Variants in TECPR1 observed in about 807,000 individuals in gnomAD.
TECPR1 encodes tectonin beta-propeller repeat containing 1.
Under a neutral mutation model 162.4 loss-of-function variants are expected in TECPR1, and 122 were observed. That is an observed-to-expected ratio of 0.75 (90% CI 0.65 to 0.87). The LOEUF (loss-of-function observed/expected upper bound fraction) is 0.87, where lower values mean the gene tolerates loss of function less well. Ranked by LOEUF, TECPR1 falls within the 40% of genes least tolerant of loss-of-function variation. The pLI, the probability that TECPR1 is intolerant of heterozygous loss-of-function variation, is 0.00. For missense variants in TECPR1, 1,432 were observed against 1,618.2 expected, an observed-to-expected ratio of 0.88 and a Z score of 1.97; for synonymous variants, 642 against 670.6, an observed-to-expected ratio of 0.96 and a Z score of 0.66.
At chr7:98,242,310 G>A (rs1798771786) in intron 6 of TECPR1, among the ~76,000 whole-genome samples, 1 of 152,118 alleles carries the variant, frequency 6.6e-6, no homozygotes, top group African/African-American at 2.4e-5. Flanking sequence ...GGACCCTCGG[G>A]GCCTCTGCTG....
At chr7:98,238,073 G>A (rs926972914) in intron 9 of TECPR1, among the ~76,000 whole-genome samples, 1 of 152,034 alleles carries the variant, frequency 6.6e-6, no homozygotes, top group Admixed American at 6.6e-5. Context: ...ACACCTGGCC[G>A]TGGTGTTTTT....
chr7:98,244,837 G>A, intron 4 of TECPR1, 48 bp downstream of exon 4: 2 of 1,604,348 alleles, frequency 1.2e-6, no homozygotes, highest in Non-Finnish European at 1.7e-6. Flanking sequence ...CAGGCGGGAG[G>A]CACCCCCTCC....
At chr7:98,247,171 C>A (rs1394109417) in intron 2 of TECPR1, among the ~76,000 whole-genome samples, 2 of 151,902 alleles carry the variant, frequency 1.3e-5, no homozygotes, top group East Asian at 4.0e-4. Flanking sequence ...GAGACAGGGT[C>A]TTGCTCGGTC....
chr7:98,245,880 C>A (rs760964245), intron 3 of TECPR1, 42 bp downstream of exon 3: 5 of 1,532,666 alleles, frequency 3.3e-6, no homozygotes, highest in South Asian at 2.4e-5. Flanking sequence ...AATAACCCAG[C>A]GAACTGACCC....
At chr7:98,226,346 G>T in intron 17 of TECPR1, 1 of 654,494 alleles carries the variant, frequency 1.5e-6, no homozygotes. Flanking sequence ...TACACACAGG[G>T]ACATCCTTTA....
intron 21 of TECPR1, 90 bp downstream of exon 21, chr7:98,222,900 A>T: frequency 6.6e-7 from 1 of 1,521,746 alleles, no homozygotes; most frequent in Non-Finnish European, 9.0e-7. Flanking sequence ...CACTGGTCCT[A>T]GGGGCTTGTC....
Position 98,225,059 on chromosome 7 carries a change from G to T in TECPR1, c.2557C>A (p.Leu853Met). The change falls in exon 18 of 26, where the codon CTG becomes ATG. Residue 853 changes from leucine (L) to methionine (M), a missense_variant. Leu to Met is a conservative substitution (Grantham distance 15, BLOSUM62 2). Transcript: ENST00000447648. ...GTGCCAGCCTTCGTGCACTCCTGCA[G>T]CCCCGAGGCATCGCTCCACATGTAC... is the stretch of plus-strand genomic sequence containing the variant. The part of the protein sequence containing the change: ...DRYMWSDASG[L>M]QECTKAGTKP... 1 of 1,567,300 alleles carries T rather than the reference G, an allele frequency of 6.4e-7. No individual in the cohort carries two copies. The highest frequency in any genetic ancestry group is 8.6e-7 in the Non-Finnish European group (1 of 1,158,262).
Position 98,233,820 on chromosome 7 carries a change from G to T in TECPR1, c.1273C>A (p.Pro425Thr), listed in dbSNP as rs371049413. ...DASSEVERPG[P>T]GQILPAEPLD... The stretch of plus-strand genomic sequence containing the variant: ...GGTTCTGCAGGGAGAATCTGGCCAG[G>T]CCCTGGTCTCTCGACTTCCGAGGAG... The change falls in exon 11 of 26, where the codon CCT (proline) becomes ACT (threonine). Residue 425 changes from proline (P) to threonine (T), a missense_variant. Pro to Thr is a conservative substitution (Grantham distance 38). Transcript: ENST00000447648. 7.5e-6 allele frequency: 12 copies of T among 1,602,474 alleles called. No individual in the cohort carries two copies. The African/African-American group carries it at 1.5e-4, about 20-fold the overall frequency.
At chr7:98,246,626 G>A (rs573972254) in intron 2 of TECPR1, among the ~76,000 whole-genome samples, 1 of 151,648 alleles carries the variant, frequency 6.6e-6, no homozygotes, top group East Asian at 2.0e-4. Context: ...CTGTTGCCCA[G>A]GCTGGAGTGC....
chr7:98,233,091 T>A, intron 11 of TECPR1, 119 bp from the exon 12 acceptor site: 1 of 1,236,366 alleles, frequency 8.1e-7, no homozygotes, highest in Middle Eastern at 2.8e-4. Context: ...CGCTCTCTGT[T>A]AAGCCTCCTT....
intron 10 of TECPR1, among the ~76,000 whole-genome samples, chr7:98,235,404 A>G (rs776014118): frequency 6.6e-6 from 1 of 151,944 alleles, no homozygotes. Context: ...GGGTGCCTGT[A>G]GTCCCAGCTA....
In TECPR1 at chr7:98,232,097, C is replaced by A; in HGVS notation, c.1819-138G>T. 1 of 831,744 alleles carries A rather than the reference C, an allele frequency of 1.2e-6. No homozygotes were observed. The highest frequency in any genetic ancestry group is 1.7e-5 in the South Asian group (1 of 60,416). 51.5% of individuals were successfully genotyped at this position (831,744 alleles called of 1,614,324 possible). A position where few individuals can be genotyped will look rare whatever the true frequency, so the allele number is the denominator to read the frequency against. ...AGCACTCCCGGCTGTCAGCCCAGCTCCCCCTATGCTAATGATAACAGTGAC... is the reference window on the plus strand; with the variant it reads ...AGCACTCCCGGCTGTCAGCCCAGCTACCCCTATGCTAATGATAACAGTGAC... On this transcript the variant is annotated intron_variant, in intron 12 of 25. Transcript: ENST00000447648. The surrounding 1 kb of genome is among the most constrained non-coding windows in gnomAD (Gnocchi z 4.6).
rs371302777 is a variant in TECPR1, at chr7:98,243,590, G to A, written c.534C>T (p.Ile178=). The A allele has an allele frequency of 8.1e-5, 131 of 1,611,358 alleles. No homozygotes were observed. The African/African-American group carries it at 1.5e-3, about 19-fold the overall frequency. ...RYKSRDIWAK[I]PSKDDPKELP... is the part of the protein sequence containing the mutation. ...GCTCCTTGGGGTCATCCTTCGAGGG[G>A]ATCTGAAGGAAGGAAGTGAGAAATG... Residue 178 remains isoleucine, a splice_region_variant and synonymous_variant, in exon 6 of 26, where the codon ATC becomes ATT. Coordinates refer to ENST00000447648, the MANE Select transcript of TECPR1 (RefSeq NM_015395.3).
chr7:98,217,546 A>G (rs1404511028), intron 25 of TECPR1, 43 bp from the exon 26 acceptor site: 2 of 38,970 alleles, frequency 5.1e-5, no homozygotes, highest in Non-Finnish European at 1.1e-4. Flanking sequence ...CGGGGACTCG[A>G]GGATCCTGGA....
intron 17 of TECPR1, chr7:98,226,622 C>A: frequency 9.5e-7 from 1 of 1,049,584 alleles, no homozygotes; most frequent in Non-Finnish European, 1.2e-6. Flanking sequence ...TTTATTTCGT[C>A]AATTTGGAAA....
intron 17 of TECPR1, among the ~76,000 whole-genome samples, chr7:98,227,346 C>T (rs1317461981): frequency 2.0e-5 from 3 of 149,790 alleles, no homozygotes; most frequent in Non-Finnish European, 3.0e-5. Context: ...GAGCCAAGAT[C>T]GCGCCACTGC....
intron 19 of TECPR1, among the ~76,000 whole-genome samples, chr7:98,224,437 A>G (rs745414207): frequency 5.9e-5 from 9 of 152,200 alleles, no homozygotes; most frequent in Non-Finnish European, 1.2e-4. Context: ...CTAAGGCTGT[A>G]GAGGCCACTC....
chr7:98,230,855 G>A, intron 15 of TECPR1, 106 bp downstream of exon 15: 2 of 1,417,868 alleles, frequency 1.4e-6, no homozygotes, highest in Non-Finnish European at 9.4e-7. Context: ...TGGTCAGCGA[G>A]AAGCTTGACC....
At chr7:98,237,860 C>T (rs1423259712) in intron 9 of TECPR1, among the ~76,000 whole-genome samples, 1 of 152,184 alleles carries the variant, frequency 6.6e-6, no homozygotes, top group South Asian at 2.1e-4. Flanking sequence ...ACAGCCTTGA[C>T]CTCCTGGGCT....
Sources: gnomAD v4.1 joint callset for allele counts (sites outside exome capture counted in the v4.1 genomes callset) on GRCh38, gnomAD v4.1.1 for gene constraint, Gnocchi (gnomAD v3.1) non-coding constraint, MANE v1.5 for transcripts, NCBI Gene and HGNC (gene_info 2026-07-23, HGNC 2026-07-21) for gene names.